The following PTCH1 variants were observed in gnomAD, a reference collection of about 807,000 sequenced individuals.
PTCH1 encodes the protein patched 1.
PTCH1 carries 14 observed loss-of-function variants against 144.6 expected under a neutral mutation model. That is an observed-to-expected ratio of 0.10 (90% CI 0.06 to 0.15). PTCH1 has a LOEUF of 0.15. Ranked by LOEUF, PTCH1 falls within the 10% of genes least tolerant of loss-of-function variation. PTCH1 has a pLI of 1.00. For synonymous variants in PTCH1, 833 were observed against 793.6 expected, an observed-to-expected ratio of 1.05 and a Z score of -0.83; for missense variants, 1,623 against 1,948.3, an observed-to-expected ratio of 0.83 and a Z score of 3.14.
At chr9:95,516,849 C>A (rs1369221065) in exon 1 of PTCH1, 5 of 1,574,704 alleles carry the variant, frequency 3.2e-6, no homozygotes, top group African/African-American at 1.4e-5. Flanking sequence ...TCTGCCGCGC[C>A]ATAGGCAGGA....
At chr9:95,469,372 A>G (rs1013282362) in intron 13 of PTCH1, among the ~76,000 whole-genome samples, 3 of 152,212 alleles carry the variant, frequency 2.0e-5, no homozygotes, top group East Asian at 3.9e-4. Flanking sequence ...AGGAGGCCAC[A>G]TGGAGGACTG....
At chr9:95,506,860 G>C in intron 1 of PTCH1, 1 of 1,177,498 alleles carries the variant, frequency 8.5e-7, no homozygotes, top group Non-Finnish European at 1.0e-6. Context: ...TGAGCGACTT[G>C]GGGCACTGGG....
At chr9:95,500,401 C>T (rs1252582536) in intron 2 of PTCH1, among the ~76,000 whole-genome samples, 1 of 152,192 alleles carries the variant, frequency 6.6e-6, no homozygotes, top group East Asian at 1.9e-4. Flanking sequence ...AATATCACAA[C>T]TGCTTCCACC....
intron 15 of PTCH1, among the ~76,000 whole-genome samples, chr9:95,465,433 T>C (rs1368436733): frequency 2.0e-5 from 3 of 152,220 alleles, no homozygotes; most frequent in East Asian, 1.9e-4. Context: ...CCAAAAACCA[T>C]TGCTTTCTAA....
upstream of PTCH1, among the ~76,000 whole-genome samples, chr9:95,512,065 T>G (rs1173850176): frequency 1.3e-5 from 2 of 152,208 alleles, no homozygotes; most frequent in Non-Finnish European, 2.9e-5. Flanking sequence ...AATGGTAAGC[T>G]GTGTGCCCGT....
Position 95,469,475 on chromosome 9 carries a change from A to G in PTCH1, c.1848-322T>C, listed in dbSNP as rs191835133. 9.8e-5 allele frequency among the ~76,000 whole-genome samples: 15 copies of G among 152,334 alleles called. No individual in the cohort carries two copies. The East Asian group carries it at 1.9e-3, about 20-fold the overall frequency. On this transcript the variant is annotated intron_variant, in intron 13 of 23. Transcript: ENST00000331920. ...AACCAAACCACCATCAAAGGACTATATATTTTCTAGATGGGTGTTTTTCAA... is the reference window on the plus strand; with the variant it reads ...AACCAAACCACCATCAAAGGACTATGTATTTTCTAGATGGGTGTTTTTCAA...
At chr9:95,502,620 T>C (rs904324359) in intron 2 of PTCH1, among the ~76,000 whole-genome samples, 3 of 152,212 alleles carry the variant, frequency 2.0e-5, no homozygotes, top group Non-Finnish European at 4.4e-5. Flanking sequence ...CAAGCTGGTA[T>C]CTTAACATAT....
At chr9:95,477,815 A>C in intron 9 of PTCH1, 113 bp from the exon 10 acceptor site, 1 of 1,502,280 alleles carries the variant, frequency 6.7e-7, no homozygotes, top group Non-Finnish European at 9.1e-7. Flanking sequence ...CTTATCCAAC[A>C]ACAACAAAAC....
At chr9:95,462,815 C>T (rs1447663497) in intron 15 of PTCH1, among the ~76,000 whole-genome samples, 5 of 152,196 alleles carry the variant, frequency 3.3e-5, no homozygotes, top group East Asian at 3.9e-4. Flanking sequence ...TGGGCGAGCC[C>T]GCCAGCACAC....
rs758811078 is a variant in PTCH1, at chr9:95,468,825, G to A, written c.2176C>T (p.Pro726Ser). 9 of 1,614,034 alleles carry A rather than the reference G, an allele frequency of 5.6e-6. No individual in the cohort carries two copies. The highest frequency in any genetic ancestry group is 3.3e-5 in the Admixed American group (2 of 60,000). ...SDSSLHCLEP[P>S]CTKWTLSSFA... Reference sequence around the variant, plus strand: ...GATGAGAGTGTCCACTTCGTACAGGGGGGCTCGAGGCAGTGGAGGCTGGAG... The same window carrying A: ...GATGAGAGTGTCCACTTCGTACAGGAGGGCTCGAGGCAGTGGAGGCTGGAG... The change falls in exon 14 of 24, where the codon CCC (proline) becomes TCC (serine). Residue 726 changes from proline (P) to serine (S), a missense_variant. Pro to Ser is a moderately conservative substitution (Grantham distance 74, BLOSUM62 -1). Coordinates refer to ENST00000331920, the MANE Select transcript of PTCH1 (RefSeq NM_000264.5).
intron 15 of PTCH1, 100 bp downstream of exon 15, chr9:95,467,016 T>TTA (rs1217339240): frequency 5.3e-6 from 7 of 1,329,622 alleles, no homozygotes; most frequent in African/African-American, 1.5e-5. Context: ...CACGTCAGTG[T>TTA]TACATTCTAA....
In PTCH1 at chr9:95,506,604, G is replaced by C. The variant is rs1316956248; in HGVS notation, c.202-5C>G. ...TTTCCGGCCAGTAGCCTTCCCCTGG[G>C]GACGAAGCAGAAGGGAGGAGTGAGC... On this transcript the variant is annotated splice_polypyrimidine_tract_variant and splice_region_variant and intron_variant, in intron 1 of 23. Coordinates refer to ENST00000331920, the MANE Select transcript of PTCH1 (RefSeq NM_000264.5). 6.2e-7 allele frequency: 1 copy of C among 1,610,174 alleles called. No individual in the cohort carries two copies. The highest frequency in any genetic ancestry group is 1.3e-5 in the African/African-American group (1 of 74,718).
intron 15 of PTCH1, among the ~76,000 whole-genome samples, chr9:95,463,737 G>A (rs577318452): frequency 2.1e-4 from 32 of 152,200 alleles, no homozygotes; most frequent in African/African-American, 7.0e-4. Flanking sequence ...TAATCACTCC[G>A]GCTTCACAGA....
intron 15 of PTCH1, among the ~76,000 whole-genome samples, chr9:95,463,379 G>A (rs923430765): frequency 6.6e-6 from 1 of 152,038 alleles, no homozygotes; most frequent in Non-Finnish European, 1.5e-5. Flanking sequence ...GGGGAGACGG[G>A]ACAGGAGACC....
chr9:95,485,097 T>C (rs1482642835), intron 3 of PTCH1, among the ~76,000 whole-genome samples: 2 of 152,000 alleles, frequency 1.3e-5, no homozygotes, highest in African/African-American at 4.8e-5. Flanking sequence ...CCCCAGCTCC[T>C]TGGGAAGCTG....
chr9:95,506,367 A>T (rs1461585431), intron 2 of PTCH1, 40 bp downstream of exon 2: 2 of 1,597,372 alleles, frequency 1.3e-6, no homozygotes, highest in African/African-American at 2.7e-5. Flanking sequence ...GCGAGGAGGG[A>T]CCGGGCCGGG....
At chr9:95,456,561 C>T (rs1192001862) in intron 18 of PTCH1, 148 bp from the exon 19 acceptor site, 60 of 1,130,158 alleles carry the variant, frequency 5.3e-5, no homozygotes, top group Non-Finnish European at 7.4e-5. Flanking sequence ...ACTGCCTTTA[C>T]TGCCTAATTC....
At chr9:95,492,882 A>G (rs576092470) in intron 2 of PTCH1, among the ~76,000 whole-genome samples, 12 of 152,210 alleles carry the variant, frequency 7.9e-5, no homozygotes, top group Admixed American at 7.8e-4. Flanking sequence ...TCTGGTCCCC[A>G]GAGAGTCCTG....
At chr9:95,485,895 T>A (rs771371488) in intron 2 of PTCH1, 21 bp from the exon 3 acceptor site, 1 of 1,613,660 alleles carries the variant, frequency 6.2e-7, no homozygotes, top group Middle Eastern at 1.7e-4. Context: ...TGTACAGGTT[T>A]AATTAGAATA....
Sources: gnomAD v4.1 joint callset for allele counts (sites outside exome capture counted in the v4.1 genomes callset) on GRCh38, gnomAD v4.1.1 for gene constraint, MANE v1.5 for transcripts, NCBI Gene and HGNC (gene_info 2026-07-23, HGNC 2026-07-21) for gene names.